The following RTN1 variants were observed in gnomAD, a reference collection of about 807,000 sequenced individuals.
The protein encoded by RTN1 is reticulon-1.
In RTN1, 25 loss-of-function variants were observed where a neutral mutation model predicts 65.5. The observed-to-expected ratio is 0.38, with a 90% confidence interval of 0.28 to 0.53. RTN1 has a LOEUF of 0.53. RTN1 is among the 20% of genes least tolerant of loss of function. The probability of loss-of-function intolerance (pLI) is 0.79; values close to 1 mark genes in which losing one functional copy is unlikely to be tolerated. For missense variants in RTN1, 983 were observed against 1,025.4 expected, an observed-to-expected ratio of 0.96 and a Z score of 0.57; for synonymous variants, 471 against 447.6, an observed-to-expected ratio of 1.05 and a Z score of -0.66.
chr14:59,847,201 G>C (rs1286307719), intron 1 of RTN1, among the ~76,000 whole-genome samples: 2 of 152,010 alleles, frequency 1.3e-5, no homozygotes, highest in African/African-American at 4.8e-5. Flanking sequence ...AAATATCATT[G>C]TTTCTTTATC....
At chr14:59,723,483 G>A (rs1023398877) in intron 3 of RTN1, among the ~76,000 whole-genome samples, 4 of 151,926 alleles carry the variant, frequency 2.6e-5, no homozygotes, top group Admixed American at 2.6e-4. Context: ...GCGTGGTGGT[G>A]GTGGGCGCCT....
chr14:59,713,295 T>C (rs1263829843), intron 3 of RTN1, among the ~76,000 whole-genome samples: 7 of 152,238 alleles, frequency 4.6e-5, no homozygotes, highest in African/African-American at 1.4e-4. Flanking sequence ...ACCTCAGGCA[T>C]GGGGTTGGGA....
intron 2 of RTN1, among the ~76,000 whole-genome samples, chr14:59,733,255 G>T (rs930800973): frequency 6.6e-6 from 1 of 151,994 alleles, no homozygotes; most frequent in Non-Finnish European, 1.5e-5. Flanking sequence ...ACCACACCTG[G>T]CTAATTTTTG....
intron 1 of RTN1, among the ~76,000 whole-genome samples, chr14:59,845,018 A>G (rs888825069): frequency 2.0e-5 from 3 of 152,258 alleles, no homozygotes; most frequent in Non-Finnish European, 4.4e-5. Context: ...ATGTTTCTCC[A>G]TATCATAAAG....
chr14:59,783,154 A>G (rs144282030), intron 1 of RTN1, among the ~76,000 whole-genome samples: 54 of 152,276 alleles, frequency 3.5e-4, no homozygotes, highest in African/African-American at 1.2e-3. Context: ...AATCAAATCT[A>G]TATGTTGATC....
chr14:59,654,432 G>GGGA (rs370396777), intron 3 of RTN1, among the ~76,000 whole-genome samples: 1 of 108,822 alleles, frequency 9.2e-6, no homozygotes, highest in Non-Finnish European at 2.1e-5. Context: ...CTGTCTCTGT[G>GGGA]AAAAAAAAAA....
intron 3 of RTN1, among the ~76,000 whole-genome samples, chr14:59,648,426 C>T (rs558230221): frequency 7.9e-5 from 12 of 152,184 alleles, no homozygotes; most frequent in Non-Finnish European, 1.8e-4. Flanking sequence ...AGGGACTCCT[C>T]CCCAACTAAT....
At chr14:59,828,310 A>T (rs1203520657) in intron 1 of RTN1, among the ~76,000 whole-genome samples, 1 of 152,240 alleles carries the variant, frequency 6.6e-6, no homozygotes, top group Non-Finnish European at 1.5e-5. Flanking sequence ...ACTATACATC[A>T]TTAGAATGGA....
At chr14:59,693,061 T>C (rs1957988) in intron 3 of RTN1, among the ~76,000 whole-genome samples, 99,757 of 151,950 alleles carry the variant, frequency 0.66, 32,941 homozygotes, top group South Asian at 0.73. Flanking sequence ...AAAATGGAGG[T>C]CACATGAATG....
intron 3 of RTN1, among the ~76,000 whole-genome samples, chr14:59,624,740 G>A (rs924732214): frequency 9.9e-5 from 15 of 152,192 alleles, no homozygotes; most frequent in African/African-American, 2.9e-4. Context: ...GGGATTACAG[G>A]CGTGAGCCAA....
At chr14:59,780,274 T>A (rs189127081) in intron 1 of RTN1, among the ~76,000 whole-genome samples, 8 of 152,138 alleles carry the variant, frequency 5.3e-5, no homozygotes, top group African/African-American at 1.9e-4. Context: ...TTATGGAGGG[T>A]TCTCAGGAAA....
chr14:59,801,684 T>C (rs1886549174), intron 1 of RTN1, among the ~76,000 whole-genome samples: 1 of 152,118 alleles, frequency 6.6e-6, no homozygotes, highest in African/African-American at 2.4e-5. Flanking sequence ...GAAGGAACAA[T>C]AGCAAGACTG....
chr14:59,769,083 G>A lies in RTN1; in HGVS notation c.242-22602C>T, dbSNP rs540643921. Among the ~76,000 whole-genome samples the A allele has an allele frequency of 7.9e-5, 12 of 152,178 alleles. No homozygotes were observed. The East Asian group carries it at 1.5e-3, about 20-fold the overall frequency. Reference sequence around the variant, plus strand: ...TAGCTGAAGAAGAATTCAAGACTACGTCATTGAATTCTAAAGCAGTTGCTC... The same window carrying A: ...TAGCTGAAGAAGAATTCAAGACTACATCATTGAATTCTAAAGCAGTTGCTC... On this transcript the variant is annotated intron_variant, in intron 1 of 8. Transcript: ENST00000267484.
chr14:59,728,393 T>C (rs1356116991), intron 2 of RTN1, among the ~76,000 whole-genome samples: 1 of 152,006 alleles, frequency 6.6e-6, no homozygotes, highest in African/African-American at 2.4e-5. Flanking sequence ...CTGTATTCTT[T>C]CCCTTTCTTC....
chr14:59,603,644 C>A (rs1042298704), intron 6 of RTN1: 34 of 344,688 alleles, frequency 9.9e-5, no homozygotes, highest in Non-Finnish European at 1.6e-4. Flanking sequence ...GAAAAAAAAC[C>A]CTTTAGACTT....
chr14:59,746,182 T>C lies in RTN1; in HGVS notation c.541A>G (p.Ile181Val). The C allele has an allele frequency of 1.2e-6, 2 of 1,608,616 alleles. No homozygotes were observed. Among genetic ancestry groups the C allele is most frequent in the African/African-American group, 1.3e-5 (1 of 74,618 alleles). ...ATCTGGTCCAGAGGGTCTGCTAAGATCTTGTTCACTTCCGTGGACTCTGCA... is the reference window on the plus strand; with the variant it reads ...ATCTGGTCCAGAGGGTCTGCTAAGACCTTGTTCACTTCCGTGGACTCTGCA... ...TPAESTEVNKILADPLDQMKA... is the reference protein window; with the variant it reads ...TPAESTEVNKVLADPLDQMKA... Residue 181 changes from isoleucine (I) to valine (V), a missense_variant, in exon 2 of 9, where the codon ATC (isoleucine) becomes GTC (valine). Around this residue, in one of 2 missense-constraint regions of RTN1, gnomAD observed 818 missense variants for 801.8 expected, o/e 1.02. Transcript: ENST00000267484.
At position 59,605,350 on chromosome 14, in the gene RTN1, C is replaced by T; in HGVS notation, c.2112+18G>A. 6.2e-7 allele frequency: 1 copy of T among 1,608,318 alleles called. No individual in the cohort carries two copies. The highest frequency in any genetic ancestry group is 1.7e-5 in the Admixed American group (1 of 59,064). On this transcript the variant is annotated intron_variant, in intron 5 of 8. Coordinates refer to ENST00000267484, the MANE Select transcript of RTN1 (RefSeq NM_021136.3). ...ATAACAGTCAAGACTGTGAAGTGAA[C>T]AGCTTAAGCAACTATACTTTTAAGG...
intron 3 of RTN1, among the ~76,000 whole-genome samples, chr14:59,633,000 G>C (rs1174428637): frequency 6.6e-6 from 1 of 152,184 alleles, no homozygotes; most frequent in African/African-American, 2.4e-5. Context: ...TACTTGGGAG[G>C]CTGAAGTGGG....
chr14:59,779,264 C>T (rs10143626), intron 1 of RTN1, among the ~76,000 whole-genome samples: 54,600 of 151,732 alleles, frequency 0.36, 9,963 homozygotes, highest in Admixed American at 0.44. Context: ...GCAAGGCCAA[C>T]TGGGTGGATG....
Sources: allele counts gnomAD v4.1 joint callset (sites outside exome capture counted in the v4.1 genomes callset), GRCh38; gene constraint gnomAD v4.1.1; regional missense constraint gnomAD v4.1.1; transcripts MANE v1.5; gene names NCBI Gene and HGNC (gene_info 2026-07-23, HGNC 2026-07-21).